Variants in SLC18B1 observed in about 807,000 individuals in gnomAD.
SLC18B1 encodes solute carrier family 18 member B1.
Under a neutral mutation model 53.9 loss-of-function variants are expected in SLC18B1, and 62 were observed. The observed-to-expected ratio is 1.15, with a 90% CI of 0.94 to 1.42. SLC18B1 has a LOEUF of 1.42. SLC18B1 is among the 40% of genes most tolerant of loss of function. The probability of loss-of-function intolerance (pLI) is 0.00; values close to 1 mark genes in which losing one functional copy is unlikely to be tolerated. For missense variants in SLC18B1, 598 were observed against 547.3 expected (o/e 1.09, Z -0.93); for synonymous variants, 217 against 200.9 (o/e 1.08, Z -0.68).
chr6:132,790,111 G>T, intron 3 of SLC18B1, 66 bp downstream of exon 3: 2 of 1,221,268 alleles, frequency 1.6e-6, no homozygotes, highest in Non-Finnish European at 2.3e-6. Flanking sequence ...TTCTAGACTA[G>T]TAAACGAAAA....
chr6:132,788,507 A>C (rs1366218876), intron 4 of SLC18B1, among the ~76,000 whole-genome samples: 1 of 152,076 alleles, frequency 6.6e-6, no homozygotes, highest in Non-Finnish European at 1.5e-5. Context: ...AGATGATAGT[A>C]CTAAATAAAC....
chr6:132,793,609 A>G lies in SLC18B1; in HGVS notation c.184-3337T>C, dbSNP rs1781602125. Among the ~76,000 whole-genome samples the G allele has an allele frequency of 1.3e-5, 2 of 152,334 alleles. 1 individual carries two copies. Among genetic ancestry groups the G allele is most frequent in the Middle Eastern group, 6.8e-3 (2 of 294 alleles). On this transcript the variant is annotated intron_variant, in intron 2 of 13. Transcript: ENST00000275227. Reference sequence around the variant, plus strand: ...GTCCCCCACATCTCTTGCCTGAGCTATTACATTCCTTAAATGATAAATGCC... The same window carrying G: ...GTCCCCCACATCTCTTGCCTGAGCTGTTACATTCCTTAAATGATAAATGCC...
intron 10 of SLC18B1, among the ~76,000 whole-genome samples, chr6:132,772,548 T>A (rs9389032): frequency 1.3e-5 from 2 of 152,074 alleles, no homozygotes; most frequent in East Asian, 3.9e-4. Context: ...ACAGAGATAG[T>A]TCCTTATTCC....
intron 2 of SLC18B1, among the ~76,000 whole-genome samples, chr6:132,795,137 G>A (rs1265491759): frequency 6.6e-6 from 1 of 151,092 alleles, no homozygotes; most frequent in Non-Finnish European, 1.5e-5. Flanking sequence ...AGTATGGATA[G>A]AGGGAAGCCA....
Position 132,770,164 on chromosome 6 carries a change from G to A in SLC18B1, c.*106C>T, listed in dbSNP as rs1780931559. ...TGACACTTCCAAGACACTGGCACGG[G>A]GTCCACGGAGTTTTGCGCGTAAAAT... On this transcript the variant is annotated 3_prime_UTR_variant, in exon 14 of 14. Coordinates refer to ENST00000275227, the MANE Select transcript of SLC18B1 (RefSeq NM_052831.3). The A allele has an allele frequency of 8.1e-6, 7 of 868,286 alleles. No homozygotes were observed. Among genetic ancestry groups the A allele is most frequent in the South Asian group, 7.3e-5 (5 of 68,370 alleles). The allele number at this position is 868,286 out of a possible 1,614,324, so 53.8% of individuals were successfully genotyped here. A position where few individuals can be genotyped will look rare whatever the true frequency, so the allele number is the denominator to read the frequency against.
intron 5 of SLC18B1, among the ~76,000 whole-genome samples, chr6:132,784,551 T>A (rs61019706): frequency 0.021 from 3,263 of 152,262 alleles, 126 homozygotes; most frequent in African/African-American, 0.074. Context: ...AAGTTCACCC[T>A]CACTTTTTAA....
chr6:132,794,386 G>A (rs967446996), intron 2 of SLC18B1, among the ~76,000 whole-genome samples: 1 of 151,982 alleles, frequency 6.6e-6, no homozygotes. Context: ...TTACAGGCGT[G>A]AGCCACCATG....
intron 13 of SLC18B1, among the ~76,000 whole-genome samples, chr6:132,770,650 C>T (rs935928235): frequency 1.1e-4 from 16 of 152,018 alleles, no homozygotes; most frequent in South Asian, 4.2e-4. Flanking sequence ...GCAGGAAAAC[C>T]GCTTGAACCC....
Position 132,779,131 on chromosome 6 carries a change from C to T in SLC18B1, c.795+137G>A, listed in dbSNP as rs139690481. The T allele has an allele frequency of 3.7e-4, 331 of 899,746 alleles. No homozygotes were observed. The African/African-American group carries it at 5.0e-3, about 13-fold the overall frequency. 55.7% of individuals were successfully genotyped at this position (899,746 alleles called of 1,614,324 possible). Reference sequence around the variant, plus strand: ...TTCACAGGGACGGTAGAGAGGGACACGCTACCTCGGTGTGTAGTGCCCATT... The same window carrying T: ...TTCACAGGGACGGTAGAGAGGGACATGCTACCTCGGTGTGTAGTGCCCATT... On this transcript the variant is annotated intron_variant, in intron 7 of 13. Transcript: ENST00000275227.
intron 2 of SLC18B1, among the ~76,000 whole-genome samples, chr6:132,790,558 A>C (rs1322474861): frequency 1.3e-5 from 2 of 152,162 alleles, no homozygotes; most frequent in East Asian, 1.9e-4. Context: ...AACAAACACA[A>C]AAAAAATGCC....
At chr6:132,796,724 T>C (rs1231715451) in intron 2 of SLC18B1, among the ~76,000 whole-genome samples, 1 of 152,022 alleles carries the variant, frequency 6.6e-6, no homozygotes, top group Non-Finnish European at 1.5e-5. Context: ...TCAGACTACA[T>C]GGTAAGAAAA....
At chr6:132,787,612 C>A in intron 4 of SLC18B1, 31 bp from the exon 5 acceptor site, 2 of 1,488,820 alleles carry the variant, frequency 1.3e-6, no homozygotes, top group Admixed American at 2.6e-5. Flanking sequence ...TCTGAAATGC[C>A]AAGCTGGTTT....
At chr6:132,770,400 AAAAAAC>A in intron 13 of SLC18B1, 64 bp from the exon 14 acceptor site, 3 of 1,384,996 alleles carry the variant, frequency 2.2e-6, no homozygotes, top group Non-Finnish European at 3.1e-6. Flanking sequence ...ACAAACAAAC[AAAAAAC>A]CAGTACCTGT....
At chr6:132,798,339 T>A (rs899988286) in intron 1 of SLC18B1, 75 bp downstream of exon 1, 1 of 1,415,564 alleles carries the variant, frequency 7.1e-7, no homozygotes, top group Middle Eastern at 1.8e-4. Context: ...CTATAAGCAA[T>A]TCAATCGTTG....
intron 5 of SLC18B1, among the ~76,000 whole-genome samples, chr6:132,785,357 A>C (rs2114675451): frequency 6.6e-6 from 1 of 152,350 alleles, no homozygotes; most frequent in South Asian, 2.1e-4. Flanking sequence ...TATTCTGTTT[A>C]AAGTTAAACA....
chr6:132,787,344 A>G (rs1042252062), intron 5 of SLC18B1, 90 bp downstream of exon 5: 1 of 1,288,282 alleles, frequency 7.8e-7, no homozygotes, highest in East Asian at 2.6e-5. Flanking sequence ...AAATGCAAGT[A>G]TAGAAGAATG....
At chr6:132,773,425 G>A (rs773584105) in intron 9 of SLC18B1, among the ~76,000 whole-genome samples, 2 of 152,106 alleles carry the variant, frequency 1.3e-5, no homozygotes, top group Non-Finnish European at 2.9e-5. Flanking sequence ...TACTAAAACT[G>A]TTCTTTCAAT....
At chr6:132,789,665 T>C in intron 4 of SLC18B1, 99 bp downstream of exon 4, 1 of 845,112 alleles carries the variant, frequency 1.2e-6, no homozygotes, top group East Asian at 2.4e-5. Context: ...TGACAGACAA[T>C]AAATGGAACC....
intron 1 of SLC18B1, among the ~76,000 whole-genome samples, chr6:132,797,956 A>G (rs549855745): frequency 5.3e-5 from 8 of 152,140 alleles, no homozygotes; most frequent in Non-Finnish European, 1.2e-4. Context: ...AGAGAAATAC[A>G]TTTGCTTTGC....
Sources: allele counts gnomAD v4.1 joint callset (sites outside exome capture counted in the v4.1 genomes callset), GRCh38; gene constraint gnomAD v4.1.1; transcripts MANE v1.5; gene names NCBI Gene and HGNC (gene_info 2026-07-23, HGNC 2026-07-21).